UGGT1: variants seen among roughly 807,000 people sequenced by gnomAD.
The protein encoded by UGGT1 is UDP-glucose glycoprotein glucosyltransferase 1.
Under a neutral mutation model 203.9 loss-of-function variants are expected in UGGT1, and 107 were observed. That is an observed-to-expected ratio of 0.52 (90% CI 0.45 to 0.62). UGGT1 has a LOEUF of 0.62. Among genes scored for constraint, UGGT1 ranks in the 20% least tolerant of loss-of-function variants. UGGT1 has a pLI of 0.00. For missense variants in UGGT1, 1,673 were observed against 1,867.2 expected (o/e 0.90, Z 1.92); for synonymous variants, 628 against 653.5 (o/e 0.96, Z 0.59).
intron 12 of UGGT1, among the ~76,000 whole-genome samples, chr2:128,127,752 G>A (rs998295906): frequency 6.6e-6 from 1 of 152,104 alleles, no homozygotes; most frequent in Non-Finnish European, 1.5e-5. Flanking sequence ...TTGGCTTTTG[G>A]AACAGTGTGA....
Position 128,108,080 on chromosome 2 carries a change from G to A in UGGT1, c.408+12G>A. 1 of 1,613,904 alleles carries A rather than the reference G, an allele frequency of 6.2e-7. No individual in the cohort carries two copies. The highest frequency in any genetic ancestry group is 1.1e-5 in the South Asian group (1 of 91,078). ...AAGCCTTCCAGCAGGTGGGTCCAGTGCTCTTAAAGAACAGCATTTTAGAGT... is the reference window on the plus strand; with the variant it reads ...AAGCCTTCCAGCAGGTGGGTCCAGTACTCTTAAAGAACAGCATTTTAGAGT... On this transcript the variant is annotated intron_variant, in intron 4 of 40. Coordinates refer to ENST00000259253, the MANE Select transcript of UGGT1 (RefSeq NM_020120.4).
At chr2:128,181,704 G>A (rs1043072118) in intron 36 of UGGT1, among the ~76,000 whole-genome samples, 3 of 152,198 alleles carry the variant, frequency 2.0e-5, no homozygotes, top group African/African-American at 4.8e-5. Flanking sequence ...AGCCTGAAGT[G>A]TGCCTTCCTG....
chr2:128,111,971 C>T (rs1333371654), intron 5 of UGGT1, among the ~76,000 whole-genome samples: 2 of 149,692 alleles, frequency 1.3e-5, no homozygotes, highest in Non-Finnish European at 3.0e-5. Flanking sequence ...AAACCCATGT[C>T]TACAAAATAT....
intron 4 of UGGT1, among the ~76,000 whole-genome samples, chr2:128,109,005 G>C (rs1687729702): frequency 6.6e-6 from 1 of 152,000 alleles, no homozygotes; most frequent in African/African-American, 2.4e-5. Flanking sequence ...CACCTCCTGG[G>C]TTTAAGTGAT....
chr2:128,115,130 AG>A lies in UGGT1; in HGVS notation c.705del (p.Lys236ArgfsTer28). 2 of 1,614,040 alleles carry A rather than the reference AG, an allele frequency of 1.2e-6. No individual in the cohort carries two copies. The highest frequency in any genetic ancestry group is 1.7e-6 in the Non-Finnish European group (2 of 1,179,914). Reference protein sequence around the residue: ...YVFRHYIFNPRKEPVYLSGYG... With the variant: ...YVFRHYIFNPXKEPVYLSGYG... ...ATTCTTGCTTTACTTGCAGAATCCCAGGAAGGAGCCTGTTTACCTCTCTGGC... is the reference window on the plus strand; with the variant it reads ...ATTCTTGCTTTACTTGCAGAATCCCAGAAGGAGCCTGTTTACCTCTCTGGC... On this transcript the variant is annotated frameshift_variant, in exon 7 of 41. Coordinates refer to ENST00000259253, the MANE Select transcript of UGGT1 (RefSeq NM_020120.4). LOFTEE classifies it high-confidence loss of function.
intron 31 of UGGT1, among the ~76,000 whole-genome samples, chr2:128,175,476 G>T (rs1011513762): frequency 2.0e-5 from 3 of 152,164 alleles, no homozygotes; most frequent in African/African-American, 7.2e-5. Context: ...GAGGCTTCCC[G>T]TCAGGTTGTG....
chr2:128,127,422 A>C lies in UGGT1; in HGVS notation c.1196A>C (p.His399Pro). ...TCAGCCCTCTTCATCAATGGACTTCACATGGATTTAGATACACAGGATATA... is the reference window on the plus strand; with the variant it reads ...TCAGCCCTCTTCATCAATGGACTTCCCATGGATTTAGATACACAGGATATA... ...GDSALFINGL[H>P]MDLDTQDIFS... Residue 399 changes from histidine to proline, a missense_variant, in exon 12 of 41, where the codon CAC becomes CCC. His to Pro is a moderately conservative substitution (Grantham distance 77). Transcript: ENST00000259253. 1 of 1,613,572 alleles carries C rather than the reference A, an allele frequency of 6.2e-7. No individual in the cohort carries two copies. Among genetic ancestry groups the C allele is most frequent in the Non-Finnish European group, 8.5e-7 (1 of 1,179,484 alleles).
chr2:128,178,233 C>T (rs779950905), intron 33 of UGGT1, among the ~76,000 whole-genome samples: 22 of 152,314 alleles, frequency 1.4e-4, no homozygotes, highest in Middle Eastern at 6.8e-3. Flanking sequence ...TCTGGTGCAG[C>T]CTGTGTTCAG....
chr2:128,134,221 A>G (rs1389791749), intron 14 of UGGT1, among the ~76,000 whole-genome samples: 1 of 152,100 alleles, frequency 6.6e-6, no homozygotes, highest in Non-Finnish European at 1.5e-5. Context: ...TTTTTAGTAG[A>G]GACGGGGTTT....
chr2:128,143,611 G>A (rs1462198512), intron 17 of UGGT1, among the ~76,000 whole-genome samples: 2 of 152,152 alleles, frequency 1.3e-5, no homozygotes, highest in Non-Finnish European at 2.9e-5. Flanking sequence ...TCGAAATCTT[G>A]ATTGTGCTGA....
chr2:128,170,278 G>A lies in UGGT1; in HGVS notation c.2922-10G>A. 6.2e-7 allele frequency: 1 copy of A among 1,613,260 alleles called. No individual in the cohort carries two copies. Among genetic ancestry groups the A allele is most frequent in the East Asian group, 2.2e-5 (1 of 44,874 alleles). On this transcript the variant is annotated splice_polypyrimidine_tract_variant and intron_variant, in intron 26 of 40. Coordinates refer to ENST00000259253, the MANE Select transcript of UGGT1 (RefSeq NM_020120.4). ...CTCCAGGTTAATGTTTTATCCTTGT[G>A]ATCTTTCAGTGCAATCAAACTGAGG... is the stretch of plus-strand genomic sequence containing the variant.
intron 10 of UGGT1, among the ~76,000 whole-genome samples, chr2:128,122,153 TA>T: frequency 6.6e-6 from 1 of 152,252 alleles, no homozygotes; most frequent in East Asian, 2.0e-4. Flanking sequence ...TTTGTATTTT[TA>T]GTAGAGACAG....
rs55814829 is a variant in UGGT1, at chr2:128,092,605, C to CTTT, written c.58+1205_58+1207dup. 4.4e-3 allele frequency among the ~76,000 whole-genome samples: 560 copies of CTTT among 126,676 alleles called. 11 individuals are homozygous for CTTT. Among genetic ancestry groups the CTTT allele is most frequent in the African/African-American group, 0.01 (359 of 34,236 alleles). The allele number at this position is 126,676 out of a possible 152,430, so 83.1% of individuals were successfully genotyped here. ...ATGTGATAATTTTCTTTCTTTCTTT[C>CTTT]TTTTTTTTTTTTTTTTTGAGATGGA... On this transcript the variant is annotated intron_variant, in intron 1 of 40. Coordinates refer to ENST00000259253, the MANE Select transcript of UGGT1 (RefSeq NM_020120.4).
At chr2:128,156,531 C>A in intron 21 of UGGT1, 116 bp downstream of exon 21, 3 of 732,484 alleles carry the variant, frequency 4.1e-6, no homozygotes, top group East Asian at 2.8e-5. Flanking sequence ...CTGTGGGTAA[C>A]AGGAAGCTAT....
chr2:128,129,914 T>G (rs1688793357), intron 13 of UGGT1, among the ~76,000 whole-genome samples: 1 of 152,178 alleles, frequency 6.6e-6, no homozygotes, highest in Admixed American at 6.5e-5. Context: ...TTATATAGAC[T>G]TTTGCCTGCC....
At position 128,133,147 on chromosome 2, in the gene UGGT1, A is replaced by G. The variant is rs754360256; in HGVS notation, c.1384A>G (p.Asn462Asp). The change falls in exon 14 of 41, where the codon AAC becomes GAC. Residue 462 changes from asparagine (N) to aspartate (D), a missense_variant. Physicochemically the swap from Asn to Asp is conservative, Grantham distance 23 (BLOSUM62 1). Transcript: ENST00000259253. ...GTTGTGTTATTTTTTGTAGTGGGTCAACAACCTGGAGGTTGATAGCAGATA... is the reference window on the plus strand; with the variant it reads ...GTTGTGTTATTTTTTGTAGTGGGTCGACAACCTGGAGGTTGATAGCAGATA... ...DIRSPAISWV[N>D]NLEVDSRYNS... The G allele has an allele frequency of 6.2e-7, 1 of 1,613,880 alleles. No individual in the cohort carries two copies. Among genetic ancestry groups the G allele is most frequent in the South Asian group, 1.1e-5 (1 of 91,076 alleles).
chr2:128,119,040 G>A (rs1184090059), intron 8 of UGGT1, among the ~76,000 whole-genome samples: 1 of 152,182 alleles, frequency 6.6e-6, no homozygotes, highest in African/African-American at 2.4e-5. Context: ...TAGAACTAGA[G>A]TGTCAGATTT....
intron 9 of UGGT1, 91 bp from the exon 10 acceptor site, chr2:128,121,108 T>G: frequency 8.2e-7 from 1 of 1,217,304 alleles, no homozygotes. Flanking sequence ...TTAATTACCA[T>G]GAAAAGAGTG....
chr2:128,167,942 G>C (rs966284825), intron 26 of UGGT1, among the ~76,000 whole-genome samples: 1 of 152,184 alleles, frequency 6.6e-6, no homozygotes, highest in Non-Finnish European at 1.5e-5. Flanking sequence ...CAAACCTGGT[G>C]TGGGCAGGCA....
Sources: gnomAD v4.1 joint callset for allele counts (sites outside exome capture counted in the v4.1 genomes callset) on GRCh38, gnomAD v4.1.1 for gene constraint, MANE v1.5 for transcripts, NCBI Gene and HGNC (gene_info 2026-07-23, HGNC 2026-07-21) for gene names.